The following LPP variants were observed in gnomAD, a reference collection of about 807,000 sequenced individuals.
LPP encodes the protein LIM domain containing preferred translocation partner in lipoma.
LPP carries 38 observed loss-of-function variants against 60.4 expected under a neutral mutation model. The ratio of observed to expected loss-of-function variants is 0.63; its 90% CI spans 0.49 to 0.83. The LOEUF is 0.83. LPP is among the 40% of genes least tolerant of loss of function. LPP has a pLI of 0.00. For synonymous variants in LPP, 328 were observed against 290.8 expected (o/e 1.13, Z -1.30); for missense variants, 902 against 783.6 (o/e 1.15, Z -1.80).
intron 3 of LPP, among the ~76,000 whole-genome samples, chr3:188,397,303 T>C (rs1781180362): frequency 1.3e-5 from 2 of 152,254 alleles, no homozygotes; most frequent in African/African-American, 4.8e-5. Context: ...GGTATTTGAA[T>C]ACTCAAATTA....
intron 6 of LPP, among the ~76,000 whole-genome samples, chr3:188,526,209 C>T (rs1224904571): frequency 6.6e-6 from 1 of 152,202 alleles, no homozygotes; most frequent in Non-Finnish European, 1.5e-5. Flanking sequence ...TGGTTCCTTT[C>T]TTAAATTAAG....
At chr3:188,400,978 C>T (rs933700413) in intron 3 of LPP, among the ~76,000 whole-genome samples, 1 of 152,086 alleles carries the variant, frequency 6.6e-6, no homozygotes, top group Non-Finnish European at 1.5e-5. Context: ...AAATGAAGGG[C>T]TGTAATGAAG....
chr3:188,772,762 CTGTAGTGCTTA>C (rs969940977), intron 9 of LPP, among the ~76,000 whole-genome samples: 15 of 151,986 alleles, frequency 9.9e-5, no homozygotes, highest in Non-Finnish European at 1.9e-4. Context: ...TTTGTCTTTT[CTGTAGTGCTTA>C]TCATAATAGG....
chr3:188,837,982 A>C (rs1017248420), intron 9 of LPP, among the ~76,000 whole-genome samples: 4 of 152,116 alleles, frequency 2.6e-5, no homozygotes, highest in African/African-American at 9.7e-5. Flanking sequence ...TTTGGGCCAT[A>C]GATTGCTCTA....
chr3:188,554,731 T>C (rs1829054705), intron 6 of LPP, among the ~76,000 whole-genome samples: 1 of 152,210 alleles, frequency 6.6e-6, no homozygotes, highest in Non-Finnish European at 1.5e-5. Context: ...TTACTTTTTA[T>C]ACTATTGGGT....
intron 9 of LPP, among the ~76,000 whole-genome samples, chr3:188,825,336 G>A (rs1755181484): frequency 6.9e-6 from 1 of 145,910 alleles, no homozygotes; most frequent in Non-Finnish European, 1.5e-5. Context: ...GGAGTATGGT[G>A]GTGAAGAAAG....
chr3:188,493,566 C>G (rs1809012015), intron 5 of LPP, among the ~76,000 whole-genome samples: 1 of 151,816 alleles, frequency 6.6e-6, no homozygotes. Context: ...GTAGCTGGGA[C>G]TAAAGGTGTG....
At chr3:188,519,444 T>C (rs1818286866) in intron 5 of LPP, among the ~76,000 whole-genome samples, 1 of 152,180 alleles carries the variant, frequency 6.6e-6, no homozygotes, top group Non-Finnish European at 1.5e-5. Context: ...CTGTTCTAAA[T>C]TAAAAGAGAA....
intron 11 of LPP, among the ~76,000 whole-genome samples, chr3:188,874,033 G>A (rs1197385003): frequency 6.6e-6 from 1 of 152,064 alleles, no homozygotes; most frequent in African/African-American, 2.4e-5. Context: ...TTGAGTGGGG[G>A]CAGCAAACTT....
chr3:188,745,273 A>C (rs1319291373), intron 8 of LPP, among the ~76,000 whole-genome samples: 1 of 152,176 alleles, frequency 6.6e-6, no homozygotes, highest in East Asian at 1.9e-4. Context: ...ACAGTGCCTG[A>C]TGTCTAGTAA....
chr3:188,673,135 A>G (rs977876442), intron 7 of LPP, among the ~76,000 whole-genome samples: 12 of 152,122 alleles, frequency 7.9e-5, no homozygotes, highest in Admixed American at 4.6e-4. Context: ...GTACAAATTA[A>G]ACAACCTGTG....
intron 2 of LPP, among the ~76,000 whole-genome samples, chr3:188,255,182 A>G (rs1275339800): frequency 6.6e-6 from 1 of 152,186 alleles, no homozygotes; most frequent in Non-Finnish European, 1.5e-5. Context: ...AGGAGCAGAG[A>G]AGGTACTGAG....
intron 6 of LPP, among the ~76,000 whole-genome samples, chr3:188,564,929 G>A (rs1831753330): frequency 6.6e-6 from 1 of 151,908 alleles, no homozygotes; most frequent in Non-Finnish European, 1.5e-5. Context: ...GTTATATGAT[G>A]TCCTCCTGCC....
At position 188,294,585 on chromosome 3, in the gene LPP, G is replaced by A. The variant is rs575060822; in HGVS notation, c.-66-47078G>A. On this transcript the variant is annotated intron_variant, in intron 2 of 11. Coordinates refer to ENST00000617246, the MANE Select transcript of LPP (RefSeq NM_001375462.1). ...TAACTTCATGCACGTTTTTTTCTCAGAAGCTTTAAAAATTTATACTTTCTC... is the reference window on the plus strand; with the variant it reads ...TAACTTCATGCACGTTTTTTTCTCAAAAGCTTTAAAAATTTATACTTTCTC... 8.5e-5 allele frequency among the ~76,000 whole-genome samples: 13 copies of A among 152,212 alleles called. No homozygotes were observed. In the South Asian group the frequency reaches 2.7e-3, roughly 32 times the overall value.
intron 4 of LPP, among the ~76,000 whole-genome samples, chr3:188,427,241 G>T (rs1789627041): frequency 6.6e-6 from 1 of 152,118 alleles, no homozygotes; most frequent in Admixed American, 6.5e-5. Context: ...TGAAATTCTG[G>T]GTTGAAAATG....
intron 2 of LPP, among the ~76,000 whole-genome samples, chr3:188,246,558 C>A (rs1473363438): frequency 1.3e-5 from 2 of 152,198 alleles, no homozygotes; most frequent in Non-Finnish European, 2.9e-5. Context: ...CTAAATAGGG[C>A]ATGAGATCTT....
chr3:188,362,879 A>G (rs1257930547), intron 3 of LPP, among the ~76,000 whole-genome samples: 5 of 152,230 alleles, frequency 3.3e-5, no homozygotes, highest in Non-Finnish European at 5.9e-5. Context: ...ATACTTTAAA[A>G]TAATGTAATC....
intron 7 of LPP, among the ~76,000 whole-genome samples, chr3:188,670,438 C>T (rs1252101041): frequency 6.6e-6 from 1 of 151,472 alleles, no homozygotes; most frequent in Non-Finnish European, 1.5e-5. Flanking sequence ...CATAAGAACC[C>T]AGGTCTCTCT....
At chr3:188,794,241 C>T (rs992554303) in intron 9 of LPP, among the ~76,000 whole-genome samples, 6 of 152,164 alleles carry the variant, frequency 3.9e-5, no homozygotes, top group Non-Finnish European at 7.4e-5. Flanking sequence ...TGCCCTAGAA[C>T]AATAAAATCA....
Sources: allele counts gnomAD v4.1 joint callset (sites outside exome capture counted in the v4.1 genomes callset), GRCh38; gene constraint gnomAD v4.1.1; transcripts MANE v1.5; gene names NCBI Gene and HGNC (gene_info 2026-07-23, HGNC 2026-07-21).